The following SRRM2 variants were observed in gnomAD, a reference collection of about 807,000 sequenced individuals.
SRRM2 encodes serine/arginine repetitive matrix protein 2.
Under a neutral mutation model 213.8 loss-of-function variants are expected in SRRM2, and 30 were observed. The observed-to-expected ratio is 0.14, with a 90% CI of 0.10 to 0.19. SRRM2 has a LOEUF of 0.19. Among genes scored for constraint, SRRM2 ranks in the 10% least tolerant of loss-of-function variants. The pLI, the probability that SRRM2 is intolerant of heterozygous loss-of-function variation, is 1.00. For missense variants in SRRM2, 4,904 were observed against 3,647.0 expected (o/e 1.34, Z -8.88); for synonymous variants, 2,025 against 1,377.7 (o/e 1.47, Z -10.40).
In SRRM2 at chr16:2,761,947, T is replaced by C. The variant is rs139123042; in HGVS notation, c.1419T>C (p.His473=). 7.1e-5 allele frequency: 114 copies of C among 1,613,708 alleles called. No homozygotes were observed. The highest frequency in any genetic ancestry group is 5.8e-5 in the Non-Finnish European group (68 of 1,179,988). Residue 473 remains histidine (H), a synonymous_variant, in exon 11 of 15, where the codon CAT becomes CAC. Coordinates refer to ENST00000301740, the MANE Select transcript of SRRM2 (RefSeq NM_016333.4). ...GCCGAGCAAAACGGGATAAATCACA[T>C]TCTCATACCCCCTCCCGTAGGATGG... is the stretch of plus-strand genomic sequence containing the variant. The part of the protein sequence containing the change: ...SHGRAKRDKS[H]SHTPSRRMGR...
Position 2,767,135 on chromosome 16 carries a change from G to A in SRRM2, c.6607G>A (p.Gly2203Ser), listed in dbSNP as rs1467062457. ...GCCTCCTCCGTCCATGTCTGCTGCT[G>A]GCCTTGCTGCAAGAATGTCCCAGGT... ...ARPPPSMSAA[G>S]LAARMSQVPA... is the part of the protein sequence containing the mutation. Residue 2203 changes from glycine (G) to serine (S), a missense_variant, in exon 11 of 15, where the codon GGC becomes AGC. Coordinates refer to ENST00000301740, the MANE Select transcript of SRRM2 (RefSeq NM_016333.4). The A allele has an allele frequency of 1.2e-6, 2 of 1,614,178 alleles. No homozygotes were observed. The highest frequency in any genetic ancestry group is 4.5e-5 in the East Asian group (2 of 44,874).
rs1339006082 is a variant in SRRM2, at chr16:2,756,528, C to G, written c.164C>G (p.Pro55Arg). ...LEAALVKRPN[P>R]DILDHERKRR... is the part of the protein sequence containing the mutation. ...GCTGCCCTGGTGAAGCGGCCTAATC[C>G]TGACATCCTGGACCACGAGCGCAAG... The change falls in exon 2 of 15, where the codon CCT becomes CGT. Residue 55 changes from proline (P) to arginine (R), a missense_variant. By Grantham distance (103) the Pro-to-Arg change is moderately radical. Transcript: ENST00000301740. The G allele has an allele frequency of 1.2e-6, 2 of 1,614,018 alleles. No homozygotes were observed. Among genetic ancestry groups the G allele is most frequent in the African/African-American group, 1.3e-5 (1 of 74,934 alleles).
intron 1 of SRRM2, among the ~76,000 whole-genome samples, chr16:2,756,072 G>A (rs1455156281): frequency 1.3e-5 from 2 of 152,136 alleles, no homozygotes; most frequent in Admixed American, 1.3e-4. Context: ...GGTGTAGGGA[G>A]GGATTATTTA....
chr16:2,768,039 C>G lies in SRRM2; in HGVS notation c.7511C>G (p.Ser2504Cys). 1 of 1,614,198 alleles carries G rather than the reference C, an allele frequency of 6.2e-7. No individual in the cohort carries two copies. The highest frequency in any genetic ancestry group is 8.5e-7 in the Non-Finnish European group (1 of 1,180,016). Residue 2504 changes from serine (S) to cysteine (C), a missense_variant, in exon 11 of 15, where the codon TCT becomes TGT. Physicochemically the swap from Ser to Cys is moderately radical, Grantham distance 112. Coordinates refer to ENST00000301740, the MANE Select transcript of SRRM2 (RefSeq NM_016333.4). ...GTCCCTGCCCCTGGGGTGCCCCACT[C>G]TGATGTGGGGGAGCCACCTGCCTCT... ...LSVPAPGVPHSDVGEPPASTG... is the reference protein window; with the variant it reads ...LSVPAPGVPHCDVGEPPASTG...
Position 2,765,624 on chromosome 16 carries a change from G to A in SRRM2, c.5096G>A (p.Arg1699Lys), listed in dbSNP as rs1348743332. ...TCTCGATCATCTCCGGAGCTAACAA[G>A]GAAGGCCAGACTGTCCCGTAGAAGC... ...RSSRSSPELT[R>K]KARLSRRSRS... Residue 1699 changes from arginine to lysine, a missense_variant, in exon 11 of 15, where the codon AGG becomes AAG. Transcript: ENST00000301740. 6.2e-7 allele frequency: 1 copy of A among 1,614,156 alleles called. No homozygotes were observed. Among genetic ancestry groups the A allele is most frequent in the South Asian group, 1.1e-5 (1 of 91,072 alleles).
At position 2,761,889 on chromosome 16, in the gene SRRM2, C is replaced by A; in HGVS notation, c.1361C>A (p.Ser454Tyr). Residue 454 changes from serine (S) to tyrosine (Y), a missense_variant, in exon 11 of 15, where the codon TCT becomes TAT. Transcript: ENST00000301740. Reference protein sequence around the residue: ...APAPGSHREISSSPTSKNRSH... With the variant: ...APAPGSHREIYSSPTSKNRSH... ...GCTCCAGGGTCCCACCGAGAGATTT[C>A]TTCTTCTCCCACATCTAAGAATCGC... 6.2e-7 allele frequency: 1 copy of A among 1,612,872 alleles called. No homozygotes were observed. Among genetic ancestry groups the A allele is most frequent in the Non-Finnish European group, 8.5e-7 (1 of 1,179,926 alleles).
Position 2,766,014 on chromosome 16 carries a change from A to T in SRRM2, c.5486A>T (p.Glu1829Val). The change falls in exon 11 of 15, where the codon GAA becomes GTA. Residue 1829 changes from glutamate to valine, a missense_variant. Physicochemically the swap from Glu to Val is moderately radical, Grantham distance 121 (BLOSUM62 -2). Coordinates refer to ENST00000301740, the MANE Select transcript of SRRM2 (RefSeq NM_016333.4). This position sits in a 1 kb window ranked among gnomAD's most constrained non-coding sequence, Gnocchi z 7.0. ...GYHSRSPARQ[E>V]SSRTSSRRRR... ...CACTCAAGGTCACCTGCCCGGCAGG[A>T]AAGTTCCCGGACCTCCTCTCGACGC... 2 of 1,614,018 alleles carry T rather than the reference A, an allele frequency of 1.2e-6. No homozygotes were observed. The highest frequency in any genetic ancestry group is 4.5e-5 in the East Asian group (2 of 44,870).
intron 4 of SRRM2, 96 bp downstream of exon 4, chr16:2,758,041 T>A (rs1308361935): frequency 2.1e-6 from 3 of 1,446,448 alleles, no homozygotes; most frequent in Non-Finnish European, 2.8e-6. Flanking sequence ...CTTCCCAAAC[T>A]CTTCAGATTT....
Position 2,769,273 on chromosome 16 carries a change from T to A in SRRM2, c.8010T>A (p.Pro2670=). 1.9e-6 allele frequency: 3 copies of A among 1,560,626 alleles called. No individual in the cohort carries two copies. The highest frequency in any genetic ancestry group is 2.6e-6 in the Non-Finnish European group (3 of 1,152,496). The part of the protein sequence containing the change: ...PKPASPKKPP[P]GERRSRSPRK... ...CTGCAAGCCCCAAGAAGCCACCCCCTGGCGAGCGGAGGTGAGTGCTGTCTT... is the reference window on the plus strand; with the variant it reads ...CTGCAAGCCCCAAGAAGCCACCCCCAGGCGAGCGGAGGTGAGTGCTGTCTT... Residue 2670 remains proline, a synonymous_variant, in exon 12 of 15, where the codon CCT becomes CCA. Transcript: ENST00000301740.
chr16:2,761,541 GCT>G lies in SRRM2; in HGVS notation c.1033-13_1033-12del. On this transcript the variant is annotated intron_variant, in intron 10 of 14. Coordinates refer to ENST00000301740, the MANE Select transcript of SRRM2 (RefSeq NM_016333.4). ...TTGGCGTTTATGAATCCCTATCCCT[GCT>G]CTCTCTTCCACTCTTAGAAATCTGC... is the stretch of plus-strand genomic sequence containing the variant. 1 of 1,479,356 alleles carries G rather than the reference GCT, an allele frequency of 6.8e-7. No individual in the cohort carries two copies. The highest frequency in any genetic ancestry group is 9.0e-7 in the Non-Finnish European group (1 of 1,115,764). The allele number at this position is 1,479,356 out of a possible 1,614,324, so 91.6% of individuals were successfully genotyped here.
At position 2,759,334 on chromosome 16, in the gene SRRM2, C is replaced by T. The variant is rs756006206; in HGVS notation, c.690-18C>T. 2.0e-5 allele frequency: 32 copies of T among 1,608,950 alleles called. No homozygotes were observed. Among genetic ancestry groups the T allele is most frequent in the Non-Finnish European group, 2.5e-5 (30 of 1,178,668 alleles). On this transcript the variant is annotated intron_variant, in intron 7 of 14. Coordinates refer to ENST00000301740, the MANE Select transcript of SRRM2 (RefSeq NM_016333.4). ...TTTTTAAAGAAGTTACTTTTAACAA[C>T]CTTTCCTTATTTCCCAGGTCTCCCA...
rs774607387 is a variant in SRRM2 at position 2,765,894 on chromosome 16, A to G, written c.5366A>G (p.Asp1789Gly). The change falls in exon 11 of 15, where the codon GAT becomes GGT. Residue 1789 changes from aspartate (D) to glycine (G), a missense_variant. Physicochemically the swap from Asp to Gly is moderately conservative, Grantham distance 94 (BLOSUM62 -1). Coordinates refer to ENST00000301740, the MANE Select transcript of SRRM2 (RefSeq NM_016333.4). ...REKTRTTRRR[D>G]RSGSSQSTSR... ...AAAACAAGAACAACCCGACGTCGAG[A>G]TAGGTCTGGATCTTCTCAGTCAACC... is the stretch of plus-strand genomic sequence containing the variant. 1.5e-5 allele frequency: 25 copies of G among 1,614,038 alleles called. No homozygotes were observed. The Admixed American group carries it at 4.0e-4, about 26-fold the overall frequency.
Position 2,761,535 on chromosome 16 carries a change from ATCCCTGCTC to A in SRRM2, c.1033-23_1033-15del, listed in dbSNP as rs773597209. ...GAAGTTTTGGCGTTTATGAATCCCT[ATCCCTGCTC>A]TCTCTTCCACTCTTAGAAATCTGCA... On this transcript the variant is annotated splice_polypyrimidine_tract_variant and intron_variant, in intron 10 of 14. Transcript: ENST00000301740. 1 of 1,470,730 alleles carries A rather than the reference ATCCCTGCTC, an allele frequency of 6.8e-7. No individual in the cohort carries two copies. Among genetic ancestry groups the A allele is most frequent in the Non-Finnish European group, 9.0e-7 (1 of 1,111,176 alleles). The allele number at this position is 1,470,730 out of a possible 1,614,324, so 91.1% of individuals were successfully genotyped here.
chr16:2,757,418 G>A, intron 2 of SRRM2, 54 bp from the exon 3 acceptor site: 1 of 1,542,566 alleles, frequency 6.5e-7, no homozygotes, highest in African/African-American at 1.4e-5. Context: ...ATGGAAACCT[G>A]GGACTGGGGA....
intron 9 of SRRM2, 77 bp downstream of exon 9, chr16:2,759,738 G>A (rs2068273033): frequency 4.3e-6 from 6 of 1,379,676 alleles, no homozygotes; most frequent in Non-Finnish European, 6.1e-6. Flanking sequence ...AGCGCCCACG[G>A]TGTGCTAGGC....
chr16:2,759,844 T>C (rs2068276260), intron 9 of SRRM2, 183 bp downstream of exon 9: 5 of 554,402 alleles, frequency 9.0e-6, no homozygotes, highest in African/African-American at 2.0e-5. Context: ...CCCCTTCTCT[T>C]TTTTTTTTTG....
In SRRM2 at chr16:2,763,810, T is replaced by G. The variant is rs1376543519; in HGVS notation, c.3282T>G (p.Pro1094=). 6.2e-7 allele frequency: 1 copy of G among 1,614,176 alleles called. No individual in the cohort carries two copies. The change falls in exon 11 of 15, where the codon CCT becomes CCG. Residue 1094 remains proline, a synonymous_variant. Coordinates refer to ENST00000301740, the MANE Select transcript of SRRM2 (RefSeq NM_016333.4). ...TGCAGAGCAAATCTCAAACATCACCTAAGGGAGGTCGGTCCAGGTCTTCAT... is the reference window on the plus strand; with the variant it reads ...TGCAGAGCAAATCTCAAACATCACCGAAGGGAGGTCGGTCCAGGTCTTCAT... ...PSLQSKSQTS[P]KGGRSRSSSP...
intron 1 of SRRM2, among the ~76,000 whole-genome samples, chr16:2,754,355 C>G (rs947744902): frequency 3.3e-5 from 5 of 151,596 alleles, no homozygotes; most frequent in African/African-American, 4.9e-5. Context: ...TGCAGTGGCG[C>G]GATCTCGGCT....
intron 5 of SRRM2, 178 bp downstream of exon 5, chr16:2,758,725 G>T (rs2068235945): frequency 1.5e-6 from 1 of 682,714 alleles, no homozygotes; most frequent in African/African-American, 1.8e-5. Context: ...GGGAAGTGTT[G>T]AGTTTGCAGT....
Sources: allele counts gnomAD v4.1 joint callset (sites outside exome capture counted in the v4.1 genomes callset), GRCh38; gene constraint gnomAD v4.1.1; non-coding constraint Gnocchi (gnomAD v3.1); transcripts MANE v1.5; gene names NCBI Gene and HGNC (gene_info 2026-07-23, HGNC 2026-07-21).